TRIO: variants seen among roughly 807,000 people sequenced by gnomAD.
TRIO encodes trio Rho guanine nucleotide exchange factor.
In TRIO, 58 loss-of-function variants were observed where a neutral mutation model predicts 351.9. That is an observed-to-expected ratio of 0.16 (90% confidence interval 0.13 to 0.21). The LOEUF (loss-of-function observed/expected upper bound fraction) is 0.21, where lower values mean the gene tolerates loss of function less well. Among genes scored for constraint, TRIO ranks in the 10% least tolerant of loss-of-function variants. The pLI is 1.00. For synonymous variants in TRIO, 1,758 were observed against 1,595.7 expected (o/e 1.10, Z -2.42); for missense variants, 3,201 against 4,027.8 (o/e 0.79, Z 5.56).
chr5:14,343,740 T>G (rs1053671193), intron 11 of TRIO, among the ~76,000 whole-genome samples: 15 of 152,238 alleles, frequency 9.9e-5, no homozygotes, highest in Non-Finnish European at 2.1e-4. Context: ...CTGTCTAGGT[T>G]TTTGCGTGAA....
At position 14,487,400 on chromosome 5, in the gene TRIO, C is replaced by T. The variant is rs1029643839; in HGVS notation, c.6836-64C>T. 26 of 1,088,134 alleles carry T rather than the reference C, an allele frequency of 2.4e-5. 1 individual carries two copies. In the East Asian group the frequency reaches 1.7e-3, roughly 70 times the overall value. 67.4% of individuals were successfully genotyped at this position (1,088,134 alleles called of 1,614,324 possible). ...CCATCCCAGGGTGGGCCCTGTTCCT[C>T]CCTCACCCCGCGGCGTGCTCCTTGG... On this transcript the variant is annotated intron_variant, in intron 47 of 56. Coordinates refer to ENST00000344204, the MANE Select transcript of TRIO (RefSeq NM_007118.4).
At chr5:14,456,728 T>C (rs887395651) in intron 34 of TRIO, among the ~76,000 whole-genome samples, 1 of 152,210 alleles carries the variant, frequency 6.6e-6, no homozygotes, top group Non-Finnish European at 1.5e-5. Context: ...TATATCCTTA[T>C]CCTGTGCCCA....
At chr5:14,194,743 T>C (rs1252322515) in intron 1 of TRIO, among the ~76,000 whole-genome samples, 1 of 152,266 alleles carries the variant, frequency 6.6e-6, no homozygotes, top group Non-Finnish European at 1.5e-5. Context: ...TATTTATTTT[T>C]ACAGAAAGGT....
chr5:14,264,296 CTACTT>C (rs1795522667), intron 1 of TRIO, among the ~76,000 whole-genome samples: 1 of 151,756 alleles, frequency 6.6e-6, no homozygotes. Context: ...AAAAAATAAA[CTACTT>C]TCTTTCTTTG....
intron 9 of TRIO, among the ~76,000 whole-genome samples, chr5:14,320,475 A>G (rs1739780590): frequency 6.6e-6 from 1 of 152,140 alleles, no homozygotes; most frequent in South Asian, 2.1e-4. Flanking sequence ...GCCCCTCAGC[A>G]GGGATGCCTT....
At position 14,252,908 on chromosome 5, in the gene TRIO, G is replaced by A. The variant is rs1160859880; in HGVS notation, c.158-17917G>A. Among the ~76,000 whole-genome samples the A allele has an allele frequency of 1.3e-5, 2 of 152,104 alleles. 1 individual carries two copies. The highest frequency in any genetic ancestry group is 2.9e-5 in the Non-Finnish European group (2 of 68,034). On this transcript the variant is annotated intron_variant, in intron 1 of 56. Coordinates refer to ENST00000344204, the MANE Select transcript of TRIO (RefSeq NM_007118.4). ...ACCCCAGGGCACACCCAGCAAGACT[G>A]GCTTGTATACTTGGGGCTCCTGGAC...
intron 4 of TRIO, among the ~76,000 whole-genome samples, chr5:14,289,115 C>T (rs1414086643): frequency 2.0e-5 from 3 of 151,918 alleles, no homozygotes; most frequent in Admixed American, 6.6e-5. Flanking sequence ...TGGCCGGGCG[C>T]GGTGGCTCAT....
chr5:14,481,209 C>T (rs745769339), intron 43 of TRIO, 25 bp from the exon 44 acceptor site: 1 of 1,609,592 alleles, frequency 6.2e-7, no homozygotes, highest in Non-Finnish European at 8.5e-7. Context: ...TCACCATTAT[C>T]ATGTCCTCTC....
chr5:14,270,810 CCTT>C lies in TRIO; in HGVS notation c.158-12_158-10del, dbSNP rs541817190. On this transcript the variant is annotated splice_polypyrimidine_tract_variant and intron_variant, in intron 1 of 56. Transcript: ENST00000344204. ...TGGCAACCCAGTAATTTTATTTTCTCCTTCTGTATTTCAGGGTTTCGAAAAAAC... is the reference window on the plus strand; with the variant it reads ...TGGCAACCCAGTAATTTTATTTTCTCCTGTATTTCAGGGTTTCGAAAAAAC... 82 of 1,610,530 alleles carry C rather than the reference CCTT, an allele frequency of 5.1e-5. No homozygotes were observed. The East Asian group carries it at 1.8e-3, about 35-fold the overall frequency.
At chr5:14,447,218 C>T (rs930528208) in intron 34 of TRIO, among the ~76,000 whole-genome samples, 5 of 152,066 alleles carry the variant, frequency 3.3e-5, no homozygotes, top group South Asian at 2.1e-4. Flanking sequence ...GGTGACACAG[C>T]GAGACTGTCC....
chr5:14,166,693 C>T (rs965319044), intron 1 of TRIO, among the ~76,000 whole-genome samples: 2 of 152,186 alleles, frequency 1.3e-5, no homozygotes, highest in African/African-American at 4.8e-5. Flanking sequence ...GCCAGTTTCC[C>T]TGTCTCAGGA....
intron 18 of TRIO, among the ~76,000 whole-genome samples, chr5:14,372,148 A>C (rs917026237): frequency 3.4e-5 from 5 of 148,846 alleles, no homozygotes; most frequent in Non-Finnish European, 7.4e-5. Flanking sequence ...GTCATTTAGC[A>C]CCATCCACAA....
At chr5:14,504,906 CTG>C (rs1757556129) in intron 55 of TRIO, among the ~76,000 whole-genome samples, 1 of 150,776 alleles carries the variant, frequency 6.6e-6, no homozygotes, top group Non-Finnish European at 1.5e-5. Context: ...CAGGCTGTCT[CTG>C]GTGCTGAACC....
At chr5:14,306,067 T>G (rs149951217) in intron 8 of TRIO, among the ~76,000 whole-genome samples, 164 of 152,366 alleles carry the variant, frequency 1.1e-3, no homozygotes, top group Middle Eastern at 3.4e-3. Context: ...AGGACGAAAT[T>G]GCCTAATGAT....
Position 14,504,406 on chromosome 5 carries a change from G to A in TRIO, c.8425G>A (p.Val2809Ile). The change falls in exon 55 of 57, where the codon GTC (valine) becomes ATC (isoleucine). Residue 2809 changes from valine to isoleucine, a missense_variant. This residue lies in a region of TRIO where 1,089 missense variants were observed against 954.9 expected (regional missense o/e 1.14). Coordinates refer to ENST00000344204, the MANE Select transcript of TRIO (RefSeq NM_007118.4). ...VAELGRGRFS[V>I]VKKCDQKGTK... ...CATATTTTACAGGGGCAGATTCTCT[G>A]TCGTTAAGAAATGTGATCAGAAAGG... 6.2e-7 allele frequency: 1 copy of A among 1,614,182 alleles called. No homozygotes were observed. The highest frequency in any genetic ancestry group is 8.5e-7 in the Non-Finnish European group (1 of 1,180,042).
intron 1 of TRIO, among the ~76,000 whole-genome samples, chr5:14,145,488 A>G (rs1787453081): frequency 8.1e-6 from 1 of 123,522 alleles, no homozygotes; most frequent in South Asian, 2.7e-4. Flanking sequence ...TTCTAAAGAA[A>G]GCTACCCCCC....
At chr5:14,336,838 T>G in intron 11 of TRIO, 111 bp downstream of exon 11, 1 of 1,182,576 alleles carries the variant, frequency 8.5e-7, no homozygotes, top group Non-Finnish European at 1.2e-6. Flanking sequence ...GGTGGCAAGT[T>G]GTAAGATGTA....
In TRIO at chr5:14,143,459, C is replaced by A. The variant is rs999534000; in HGVS notation, c.-267C>A. Among the ~76,000 whole-genome samples, 1 of 149,000 alleles carries A rather than the reference C, an allele frequency of 6.7e-6. No homozygotes were observed. Among genetic ancestry groups the A allele is most frequent in the Non-Finnish European group, 1.5e-5 (1 of 66,924 alleles). On this transcript the variant is annotated 5_prime_UTR_variant, in exon 1 of 57. Transcript: ENST00000344204. ...TCCGGGAGGCGCGTGCTGCTGCCCG[C>A]GCTCCGGCCGGCGCCCGGGAGGCCG... is the stretch of plus-strand genomic sequence containing the variant.
At chr5:14,331,104 A>G (rs111896624) in intron 10 of TRIO, among the ~76,000 whole-genome samples, 3 of 152,336 alleles carry the variant, frequency 2.0e-5, no homozygotes, top group African/African-American at 7.2e-5. Context: ...CTAAAATACG[A>G]TGTTCTTGGA....
Sources: gnomAD v4.1 joint callset for allele counts (sites outside exome capture counted in the v4.1 genomes callset) on GRCh38, gnomAD v4.1.1 for gene constraint, gnomAD v4.1.1 regional missense constraint, MANE v1.5 for transcripts, NCBI Gene and HGNC (gene_info 2026-07-23, HGNC 2026-07-21) for gene names.